DUSP16: variants seen among roughly 807,000 people sequenced by gnomAD.
DUSP16 encodes the protein dual specificity phosphatase 16, also known as dual specificity protein phosphatase 16.
A neutral mutation model predicts 58.3 loss-of-function variants in DUSP16; 21 were observed. The ratio of observed to expected loss-of-function variants is 0.36; its 90% confidence interval spans 0.26 to 0.52. The LOEUF (loss-of-function observed/expected upper bound fraction) is 0.52, where lower values mean the gene tolerates loss of function less well. DUSP16 is among the 20% of genes least tolerant of loss of function. The probability of loss-of-function intolerance (pLI) is 0.94; values close to 1 mark genes in which losing one functional copy is unlikely to be tolerated. For missense variants in DUSP16, 726 were observed against 819.0 expected, an observed-to-expected ratio of 0.89 and a Z score of 1.39; for synonymous variants, 320 against 323.8, an observed-to-expected ratio of 0.99 and a Z score of 0.12.
Position 12,519,863 on chromosome 12 carries a change from T to C in DUSP16, c.366A>G (p.Ala122=). The C allele has an allele frequency of 6.2e-7, 1 of 1,614,038 alleles. No individual in the cohort carries two copies. Among genetic ancestry groups the C allele is most frequent in the Non-Finnish European group, 8.5e-7 (1 of 1,179,948 alleles). Residue 122 remains alanine, a splice_region_variant and synonymous_variant, in exon 3 of 7, where the codon GCA becomes GCG. Coordinates refer to ENST00000298573, the MANE Select transcript of DUSP16 (RefSeq NM_030640.3). ...TTTTAATTCCATCACGAGCCTTACC[T>C]GCAAGCAGGTGAACAGAGTTGAAGC... ...EKSFNSVHLL[A]GGFAEFSRCF...
rs137878210 is a variant in DUSP16, at chr12:12,509,954, C to A, written c.368-9272G>T. 1.8e-3 allele frequency among the ~76,000 whole-genome samples: 272 copies of A among 152,156 alleles called. 1 individual carries two copies. The highest frequency in any genetic ancestry group is 3.4e-3 in the Non-Finnish European group (229 of 67,974). ...ACAGGGCAAGAAAAAAACATTTTTT[C>A]TTCTACTACAGGAAAAAAGATAAAA... On this transcript the variant is annotated intron_variant, in intron 3 of 6. Coordinates refer to ENST00000298573, the MANE Select transcript of DUSP16 (RefSeq NM_030640.3).
chr12:12,532,581 C>T (rs781655595), intron 1 of DUSP16, among the ~76,000 whole-genome samples: 3 of 151,886 alleles, frequency 2.0e-5, no homozygotes, highest in Non-Finnish European at 2.9e-5. Context: ...ACATTCAGAC[C>T]CAGGAACTAT....
rs59499569 is a variant in DUSP16, at chr12:12,554,196, C to CAAAAAAAAAA, written c.-366+7911_-366+7920dup. Among the ~76,000 whole-genome samples, 2 of 66,158 alleles carry CAAAAAAAAAA rather than the reference C, an allele frequency of 3.0e-5. 1 individual carries two copies. Among genetic ancestry groups the CAAAAAAAAAA allele is most frequent in the Non-Finnish European group, 6.1e-5 (2 of 32,934 alleles). The allele number at this position is 66,158 out of a possible 152,430, so 43.4% of individuals were successfully genotyped here. A position where few individuals can be genotyped will look rare whatever the true frequency, so the allele number is the denominator to read the frequency against. The stretch of plus-strand genomic sequence containing the variant: ...TGGGTGACAGAGTGAAACTGGGTCT[C>CAAAAAAAAAA]AAAAAAAAAAAAAAAAAAAAAAAGC... On this transcript the variant is annotated intron_variant, in intron 1 of 6. Transcript: ENST00000298573.
chr12:12,481,662 G>C (rs1943567619), intron 5 of DUSP16, among the ~76,000 whole-genome samples: 1 of 152,102 alleles, frequency 6.6e-6, no homozygotes, highest in African/African-American at 2.4e-5. Flanking sequence ...GAATAATTAA[G>C]CAGCAAGCAG....
At chr12:12,487,771 TTC>T (rs1176869498) in intron 4 of DUSP16, among the ~76,000 whole-genome samples, 1 of 149,732 alleles carries the variant, frequency 6.7e-6, no homozygotes. Flanking sequence ...ACTAAACATA[TTC>T]TCTTTTTCCC....
chr12:12,516,233 G>A (rs537230961), intron 3 of DUSP16, among the ~76,000 whole-genome samples: 1 of 151,942 alleles, frequency 6.6e-6, no homozygotes, highest in East Asian at 1.9e-4. Flanking sequence ...TCGAACTCCT[G>A]GGCTCAAGCA....
chr12:12,507,554 C>T (rs958609233), intron 3 of DUSP16, among the ~76,000 whole-genome samples: 2 of 152,202 alleles, frequency 1.3e-5, no homozygotes, highest in African/African-American at 4.8e-5. Context: ...TATTTTAAAT[C>T]ATCTGCATAT....
At chr12:12,489,737 G>GA in intron 4 of DUSP16, among the ~76,000 whole-genome samples, 1 of 152,178 alleles carries the variant, frequency 6.6e-6, no homozygotes, top group Admixed American at 6.5e-5. Context: ...ATTTTCCATA[G>GA]AAAAAATACG....
intron 3 of DUSP16, among the ~76,000 whole-genome samples, chr12:12,503,312 G>A (rs1442611668): frequency 2.8e-5 from 4 of 142,810 alleles, no homozygotes; most frequent in African/African-American, 7.9e-5. Context: ...TGCAACCTCC[G>A]CTTCCCGGGT....
intron 1 of DUSP16, among the ~76,000 whole-genome samples, chr12:12,523,186 C>T (rs1944259582): frequency 1.3e-5 from 2 of 152,122 alleles, no homozygotes; most frequent in African/African-American, 4.8e-5. Flanking sequence ...CTCTCTAAAC[C>T]ACAGTTTCTT....
intron 1 of DUSP16, among the ~76,000 whole-genome samples, chr12:12,529,440 T>C (rs140576064): frequency 5.1e-4 from 77 of 152,328 alleles, no homozygotes; most frequent in African/African-American, 1.8e-3. Context: ...TAAAACTGTA[T>C]GTATTTATCA....
intron 5 of DUSP16, among the ~76,000 whole-genome samples, chr12:12,481,734 A>C (rs1439356085): frequency 6.7e-6 from 1 of 149,910 alleles, no homozygotes; most frequent in East Asian, 2.3e-4. Context: ...ACCAAGCAAC[A>C]CTCAAACAAA....
intron 1 of DUSP16, among the ~76,000 whole-genome samples, chr12:12,535,232 G>C (rs1944448222): frequency 6.6e-6 from 1 of 152,176 alleles, no homozygotes; most frequent in South Asian, 2.1e-4. Context: ...TCAGCTCCCA[G>C]TAACGCTGTT....
In DUSP16 at chr12:12,477,643, G is replaced by C; in HGVS notation, c.1188C>G (p.Leu396=). 6.2e-7 allele frequency: 1 copy of C among 1,614,230 alleles called. No homozygotes were observed. Among genetic ancestry groups the C allele is most frequent in the Non-Finnish European group, 8.5e-7 (1 of 1,180,038 alleles). ...SADRLEDSNK[L]KRSFSLDIKS... ...TGATATCCAGAGAGAAGGAACGCTT[G>C]AGCTTATTGCTGTCTTCCAGCCTGT... The change falls in exon 7 of 7, where the codon CTC becomes CTG. Residue 396 remains leucine (L), a synonymous_variant. Coordinates refer to ENST00000298573, the MANE Select transcript of DUSP16 (RefSeq NM_030640.3). The surrounding 1 kb of genome is among the most constrained non-coding windows in gnomAD (Gnocchi z 4.1).
chr12:12,559,383 A>C (rs1566067490), intron 1 of DUSP16, among the ~76,000 whole-genome samples: 1 of 152,178 alleles, frequency 6.6e-6, no homozygotes, highest in Non-Finnish European at 1.5e-5. Context: ...ATCTGTCATA[A>C]AATCTGTTTT....
intron 1 of DUSP16, among the ~76,000 whole-genome samples, chr12:12,548,541 A>G (rs1944679441): frequency 6.7e-6 from 1 of 150,300 alleles, no homozygotes; most frequent in Non-Finnish European, 1.5e-5. Context: ...CTGAGGAAAG[A>G]GAATCACTTG....
intron 1 of DUSP16, among the ~76,000 whole-genome samples, chr12:12,554,015 T>C (rs1324565004): frequency 6.6e-6 from 1 of 151,738 alleles, no homozygotes; most frequent in Non-Finnish European, 1.5e-5. Flanking sequence ...CTGGCCACCC[T>C]GGTGAAACCA....
At chr12:12,546,140 A>G (rs1344741030) in intron 1 of DUSP16, among the ~76,000 whole-genome samples, 1 of 152,250 alleles carries the variant, frequency 6.6e-6, no homozygotes, top group Non-Finnish European at 1.5e-5. Flanking sequence ...ACAATATTAT[A>G]AATTTATGAA....
In DUSP16 at chr12:12,521,279, TTC is replaced by T; in HGVS notation, c.-183_-182del. The T allele has an allele frequency of 7.0e-7, 1 of 1,438,060 alleles. No homozygotes were observed. The highest frequency in any genetic ancestry group is 9.1e-7 in the Non-Finnish European group (1 of 1,100,196). 89.1% of individuals were successfully genotyped at this position (1,438,060 alleles called of 1,614,324 possible). On this transcript the variant is annotated 5_prime_UTR_variant, in exon 2 of 7. Coordinates refer to ENST00000298573, the MANE Select transcript of DUSP16 (RefSeq NM_030640.3). ...AAGAGCCCTCCAAGTGAATGTCTCT[TTC>T]TCTTTCCCGTTGATGTGCTCTTGCA...
Sources: gnomAD v4.1 joint callset for allele counts (sites outside exome capture counted in the v4.1 genomes callset) on GRCh38, gnomAD v4.1.1 for gene constraint, Gnocchi (gnomAD v3.1) non-coding constraint, MANE v1.5 for transcripts, NCBI Gene and HGNC (gene_info 2026-07-23, HGNC 2026-07-21) for gene names.